ANGPT4: variants seen among roughly 807,000 people sequenced by gnomAD.
ANGPT4 encodes the protein angiopoietin 4, also known as angiopoietin-4.
Under a neutral mutation model 53.0 loss-of-function variants are expected in ANGPT4, and 50 were observed. The ratio of observed to expected loss-of-function variants is 0.94; its 90% CI spans 0.75 to 1.20. ANGPT4 has a LOEUF of 1.20. ANGPT4 is among the 50% of genes most tolerant of loss of function. ANGPT4 has a pLI of 0.00. For missense variants in ANGPT4, 648 were observed against 637.1 expected, an observed-to-expected ratio of 1.02 and a Z score of -0.18; for synonymous variants, 251 against 259.7, an observed-to-expected ratio of 0.97 and a Z score of 0.32.
At chr20:897,895 C>A (rs1443781639) in intron 1 of ANGPT4, among the ~76,000 whole-genome samples, 1 of 152,172 alleles carries the variant, frequency 6.6e-6, no homozygotes, top group African/African-American at 2.4e-5. Context: ...TACTGCTAGG[C>A]CCCAGTACAA....
chr20:906,450 G>A, intron 1 of ANGPT4, among the ~76,000 whole-genome samples: 1 of 152,218 alleles, frequency 6.6e-6, no homozygotes, highest in East Asian at 1.9e-4. Flanking sequence ...CAGAATTCCT[G>A]ACCCTCAGAA....
chr20:883,084 T>C (rs1001459230), intron 4 of ANGPT4, among the ~76,000 whole-genome samples: 3 of 152,260 alleles, frequency 2.0e-5, no homozygotes, highest in Non-Finnish European at 4.4e-5. Context: ...GCAAGAACTC[T>C]ATGAGATTAT....
intron 3 of ANGPT4, among the ~76,000 whole-genome samples, chr20:887,215 A>T (rs1981649379): frequency 6.6e-6 from 1 of 152,206 alleles, no homozygotes; most frequent in Non-Finnish European, 1.5e-5. Context: ...GCTGCAGGAA[A>T]AGAGAGAATT....
intron 3 of ANGPT4, among the ~76,000 whole-genome samples, chr20:885,906 T>A (rs1981603156): frequency 6.6e-6 from 1 of 151,778 alleles, no homozygotes. Context: ...AGAAATGGGG[T>A]GAACATATAG....
At chr20:905,851 C>T (rs1381233515) in intron 1 of ANGPT4, among the ~76,000 whole-genome samples, 1 of 152,174 alleles carries the variant, frequency 6.6e-6, no homozygotes, top group African/African-American at 2.4e-5. Flanking sequence ...CAGGCATGAC[C>T]CCAAGGCCCT....
rs767569434 is a variant in ANGPT4 at position 873,040 on chromosome 20, C to T, written c.1432G>A (p.Gly478Ser). The T allele has an allele frequency of 2.5e-6, 4 of 1,614,088 alleles. No homozygotes were observed. The highest frequency in any genetic ancestry group is 2.7e-5 in the African/African-American group (2 of 75,034). Reference protein sequence around the residue: ...HAPDNKYKMDGIRWHYFKGPS... With the variant: ...HAPDNKYKMDSIRWHYFKGPS... The stretch of plus-strand genomic sequence containing the variant: ...CCCTTGAAGTAGTGCCAGCGGATGC[C>T]GTCCATCTTGTACTTGTTGTCGGGA... Residue 478 changes from glycine (G) to serine (S), a missense_variant, in exon 9 of 9, where the codon GGC (glycine) becomes AGC (serine). Coordinates refer to ENST00000381922, the MANE Select transcript of ANGPT4 (RefSeq NM_015985.4).
intron 3 of ANGPT4, among the ~76,000 whole-genome samples, chr20:886,230 A>C (rs1381211417): frequency 6.6e-6 from 1 of 152,224 alleles, no homozygotes; most frequent in Non-Finnish European, 1.5e-5. Flanking sequence ...TGTGTGTGAA[A>C]TGAGATATGG....
chr20:875,364 C>T (rs1205308907), intron 7 of ANGPT4, among the ~76,000 whole-genome samples: 1 of 152,204 alleles, frequency 6.6e-6, no homozygotes, highest in Non-Finnish European at 1.5e-5. Flanking sequence ...GATCTGGGCT[C>T]CAGGGCACCC....
intron 1 of ANGPT4, among the ~76,000 whole-genome samples, chr20:904,152 A>G (rs1982391876): frequency 6.6e-6 from 1 of 152,228 alleles, no homozygotes; most frequent in Non-Finnish European, 1.5e-5. Flanking sequence ...AGGAACAAAA[A>G]GGAGTGAAGT....
At chr20:910,792 G>A (rs1024052923) in intron 1 of ANGPT4, among the ~76,000 whole-genome samples, 8 of 152,120 alleles carry the variant, frequency 5.3e-5, no homozygotes, top group African/African-American at 1.9e-4. Flanking sequence ...AAGTCGTCAG[G>A]GGGTCTGCTG....
chr20:881,322 G>T, intron 4 of ANGPT4, 36 bp from the exon 5 acceptor site: 1 of 1,596,968 alleles, frequency 6.3e-7, no homozygotes, highest in South Asian at 1.1e-5. Context: ...GTTGGAGGTG[G>T]GCAAGGAAAG....
Position 885,286 on chromosome 20 carries a change from C to T in ANGPT4, c.627G>A (p.Gln209=), listed in dbSNP as rs780116086. 85 of 1,583,992 alleles carry T rather than the reference C, an allele frequency of 5.4e-5. No individual in the cohort carries two copies. In the South Asian group the frequency reaches 6.1e-4, roughly 11 times the overall value. The change falls in exon 4 of 9, where the codon CAG becomes CAA. Residue 209 remains glutamine, a synonymous_variant. Transcript: ENST00000381922. ...EKRLQALETK[Q]QEELASILSK... ...TGAGGATGCTGGCCAGCTCCTCCTG[C>T]TGCTTGGTCTCCAGGGCCTGCAACC...
rs777726255 is a variant in ANGPT4, at chr20:915,888, A to T, written c.309+18T>A. The T allele has an allele frequency of 3.9e-6, 6 of 1,536,206 alleles. No homozygotes were observed. Among genetic ancestry groups the T allele is most frequent in the African/African-American group, 2.8e-5 (2 of 72,612 alleles). On this transcript the variant is annotated intron_variant, in intron 1 of 8. Coordinates refer to ENST00000381922, the MANE Select transcript of ANGPT4 (RefSeq NM_015985.4). Reference sequence around the variant, plus strand: ...CAAAGCCGCCCTCTGCCCCCTGCAAACCTCCCATGCCCCGTACCTTCTTCA... The same window carrying T: ...CAAAGCCGCCCTCTGCCCCCTGCAATCCTCCCATGCCCCGTACCTTCTTCA...
At chr20:881,624 G>A (rs1032718655) in intron 4 of ANGPT4, among the ~76,000 whole-genome samples, 8 of 152,200 alleles carry the variant, frequency 5.3e-5, no homozygotes, top group African/African-American at 1.9e-4. Context: ...GACTCACACC[G>A]TGAGAGAGGA....
At chr20:878,442 A>G in intron 6 of ANGPT4, 115 bp from the exon 7 acceptor site, 1 of 1,049,116 alleles carries the variant, frequency 9.5e-7, no homozygotes, top group Non-Finnish European at 1.3e-6. Flanking sequence ...ACTGTGCTTA[A>G]TGATCGAGTT....
chr20:889,730 A>C (rs991099603), intron 2 of ANGPT4, among the ~76,000 whole-genome samples: 6 of 152,294 alleles, frequency 3.9e-5, no homozygotes, highest in African/African-American at 1.4e-4. Flanking sequence ...GGATCAAACA[A>C]ACAAATGGGC....
chr20:873,634 G>A (rs958942463), intron 8 of ANGPT4, among the ~76,000 whole-genome samples: 1 of 151,348 alleles, frequency 6.6e-6, no homozygotes, highest in African/African-American at 2.4e-5. Flanking sequence ...CTTCCTCTGG[G>A]CCCCCATCTT....
At chr20:883,926 C>T (rs1981506333) in intron 4 of ANGPT4, among the ~76,000 whole-genome samples, 1 of 152,210 alleles carries the variant, frequency 6.6e-6, no homozygotes, top group African/African-American at 2.4e-5. Context: ...TTCCTTAGGC[C>T]TCAAACCCCT....
intron 1 of ANGPT4, among the ~76,000 whole-genome samples, chr20:912,335 C>T (rs367813863): frequency 5.3e-5 from 8 of 152,164 alleles, no homozygotes; most frequent in South Asian, 2.1e-4. Context: ...TCCCAGCCTC[C>T]GGATTAGGCA....
Sources: gnomAD v4.1 joint callset for allele counts (sites outside exome capture counted in the v4.1 genomes callset) on GRCh38, gnomAD v4.1.1 for gene constraint, MANE v1.5 for transcripts, NCBI Gene and HGNC (gene_info 2026-07-23, HGNC 2026-07-21) for gene names.